Variants in MORC3 observed in about 807,000 individuals in gnomAD.
MORC3 encodes MORC family CW-type zinc finger protein 3.
In MORC3, 31 loss-of-function variants were observed where a neutral mutation model predicts 109.1. The observed-to-expected ratio is 0.28, with a 90% confidence interval of 0.21 to 0.38. The LOEUF is 0.38. Ranked by LOEUF, MORC3 falls within the 10% of genes least tolerant of loss-of-function variation. The pLI is 1.00. For missense variants in MORC3, 867 were observed against 1,135.8 expected (o/e 0.76, Z 3.40); for synonymous variants, 395 against 380.7 (o/e 1.04, Z -0.44).
At chr21:36,363,162 G>T (rs1279046986) in intron 13 of MORC3, among the ~76,000 whole-genome samples, 2 of 152,194 alleles carry the variant, frequency 1.3e-5, no homozygotes, top group African/African-American at 4.8e-5. Context: ...GCTCATGCCT[G>T]TGTTCCCAGA....
intron 2 of MORC3, among the ~76,000 whole-genome samples, chr21:36,335,525 A>C (rs906511143): frequency 3.3e-5 from 5 of 152,130 alleles, no homozygotes; most frequent in Admixed American, 3.3e-4. Flanking sequence ...CATATTGGTC[A>C]GGCTTGTCTC....
At chr21:36,360,610 C>T in intron 12 of MORC3, 1 of 284,414 alleles carries the variant, frequency 3.5e-6, no homozygotes, top group Non-Finnish European at 6.7e-6. Context: ...TTGGTGAGTG[C>T]CATAGAAGCT....
At position 36,369,222 on chromosome 21, in the gene MORC3, T is replaced by C. The variant is rs1475920274; in HGVS notation, c.1854T>C (p.Pro618=). ...TTGAGTTTGTGGGTGACAGTGAACC[T>C]TGTGGCCAGACTGGTTCAACAAGCA... ...VQVEFVGDSE[P]CGQTGSTSTS... The change falls in exon 15 of 17, where the codon CCT becomes CCC. Residue 618 remains proline (P), a synonymous_variant. Coordinates refer to ENST00000400485, the MANE Select transcript of MORC3 (RefSeq NM_015358.3). 2 of 1,614,162 alleles carry C rather than the reference T, an allele frequency of 1.2e-6. No homozygotes were observed. Among genetic ancestry groups the C allele is most frequent in the Non-Finnish European group, 1.7e-6 (2 of 1,180,018 alleles).
At chr21:36,344,121 T>C (rs77557945) in intron 6 of MORC3, among the ~76,000 whole-genome samples, 4,010 of 152,136 alleles carry the variant, frequency 0.026, 168 homozygotes, top group African/African-American at 0.088. Flanking sequence ...AGTTTTAGTT[T>C]TGTGTTGAAT....
chr21:36,348,193 T>TA (rs2085532528), intron 8 of MORC3: 2 of 152,232 alleles, frequency 1.3e-5, no homozygotes, highest in African/African-American at 4.8e-5. Flanking sequence ...CTAGCAGATT[T>TA]AAAAAATAAC....
rs2085791957 is a variant in MORC3, at chr21:36,367,279, G to A, written c.1620-1709G>A. Among the ~76,000 whole-genome samples the A allele has an allele frequency of 3.3e-5, 5 of 152,202 alleles. No homozygotes were observed. In the South Asian group the frequency reaches 8.3e-4, roughly 25 times the overall value. Reference sequence around the variant, plus strand: ...TCCCTCCTCACTGGGCTCCAAGAGAGAAGCCCTAAATGATGATGGCAGTTT... The same window carrying A: ...TCCCTCCTCACTGGGCTCCAAGAGAAAAGCCCTAAATGATGATGGCAGTTT... On this transcript the variant is annotated intron_variant, in intron 14 of 16. Transcript: ENST00000400485.
At chr21:36,341,333 C>T (rs2085443213) in intron 5 of MORC3, 66 bp from the exon 6 acceptor site, 2 of 1,425,756 alleles carry the variant, frequency 1.4e-6, no homozygotes, top group Admixed American at 4.1e-5. Context: ...TAATGACTTA[C>T]AGTGTTTGCT....
intron 10 of MORC3, among the ~76,000 whole-genome samples, chr21:36,358,571 C>T (rs1007346677): frequency 1.3e-5 from 2 of 151,550 alleles, no homozygotes; most frequent in Admixed American, 6.6e-5. Flanking sequence ...GGCTGGGCAA[C>T]GTGGTGAGAC....
chr21:36,355,307 A>G (rs1387287727), intron 9 of MORC3, among the ~76,000 whole-genome samples: 1 of 152,182 alleles, frequency 6.6e-6, no homozygotes, highest in Non-Finnish European at 1.5e-5. Context: ...ACCTTGTCCA[A>G]TATCAAAAGA....
chr21:36,341,701 C>T (rs1390742362), intron 6 of MORC3, among the ~76,000 whole-genome samples, 155 bp downstream of exon 6: 2 of 152,144 alleles, frequency 1.3e-5, no homozygotes, highest in African/African-American at 4.8e-5. Context: ...TCAGCCTGGG[C>T]AACAGAGTGA....
chr21:36,373,181 A>C (rs777594246), intron 16 of MORC3, among the ~76,000 whole-genome samples: 2 of 151,790 alleles, frequency 1.3e-5, no homozygotes, highest in Non-Finnish European at 2.9e-5. Context: ...CTCTACTAAA[A>C]GTACAAAAAT....
rs1397568900 is a variant in MORC3 at position 36,364,124 on chromosome 21, C to G, written c.1484C>G (p.Ala495Gly). Reference protein sequence around the residue: ...INAELLFRPTALSTPSFSSPK... With the variant: ...INAELLFRPTGLSTPSFSSPK... ...GCTGAACTGTTGTTTCGGCCAACTGCTCTTTCAACTCCAAGCTTTTCTTCT... is the reference window on the plus strand; with the variant it reads ...GCTGAACTGTTGTTTCGGCCAACTGGTCTTTCAACTCCAAGCTTTTCTTCT... Residue 495 changes from alanine to glycine, a missense_variant, in exon 14 of 17, where the codon GCT becomes GGT. Ala to Gly is a moderately conservative substitution (Grantham distance 60). Transcript: ENST00000400485. The G allele has an allele frequency of 1.9e-6, 3 of 1,613,970 alleles. No homozygotes were observed. Among genetic ancestry groups the G allele is most frequent in the South Asian group, 2.2e-5 (2 of 91,080 alleles).
intron 2 of MORC3, among the ~76,000 whole-genome samples, chr21:36,334,237 C>T (rs113875803): frequency 9.0e-4 from 137 of 151,648 alleles, no homozygotes; most frequent in Non-Finnish European, 1.3e-3. Context: ...CCTGGGCAGG[C>T]GACAAAGCAA....
chr21:36,365,519 A>C (rs1312481001), intron 14 of MORC3, among the ~76,000 whole-genome samples: 2 of 152,238 alleles, frequency 1.3e-5, no homozygotes, highest in African/African-American at 4.8e-5. Flanking sequence ...AAGATTATAA[A>C]TAACTAACTG....
Position 36,375,908 on chromosome 21 carries a change from A to G in MORC3, c.*612A>G, listed in dbSNP as rs2085924636. 1.3e-5 allele frequency: 2 copies of G among 152,270 alleles called. No homozygotes were observed. The highest frequency in any genetic ancestry group is 4.8e-5 in the African/African-American group (2 of 41,472). 9.4% of individuals were successfully genotyped at this position (152,270 alleles called of 1,614,324 possible). A position where few individuals can be genotyped will look rare whatever the true frequency, so the allele number is the denominator to read the frequency against. On this transcript the variant is annotated 3_prime_UTR_variant, in exon 17 of 17. Coordinates refer to ENST00000400485, the MANE Select transcript of MORC3 (RefSeq NM_015358.3). ...GGATTTTGTTGTGCTGAGATTGCCA[A>G]TCACGGTTAAACACAAAGTGTTTTT...
intron 16 of MORC3, among the ~76,000 whole-genome samples, 161 bp from the exon 17 acceptor site, chr21:36,374,982 T>A (rs2085913939): frequency 6.6e-6 from 1 of 152,218 alleles, no homozygotes; most frequent in Non-Finnish European, 1.5e-5. Context: ...TAAAAGTGAA[T>A]TATTAAAGTA....
At chr21:36,371,629 A>G (rs73383719) in intron 15 of MORC3, among the ~76,000 whole-genome samples, 7,069 of 152,192 alleles carry the variant, frequency 0.046, 525 homozygotes, top group African/African-American at 0.16. Flanking sequence ...TAACTTTCAC[A>G]CCATCATAAA....
chr21:36,372,954 T>C (rs1037254411), intron 16 of MORC3, among the ~76,000 whole-genome samples: 3 of 152,242 alleles, frequency 2.0e-5, no homozygotes, highest in Non-Finnish European at 4.4e-5. Flanking sequence ...GCTGTCCTTA[T>C]TTCACTGTAT....
chr21:36,336,012 G>T (rs551952840), intron 2 of MORC3, among the ~76,000 whole-genome samples: 2 of 151,598 alleles, frequency 1.3e-5, no homozygotes, highest in East Asian at 3.9e-4. Flanking sequence ...TGCAACCTCC[G>T]CCTCCTGGGT....
Sources: gnomAD v4.1 joint callset for allele counts (sites outside exome capture counted in the v4.1 genomes callset) on GRCh38, gnomAD v4.1.1 for gene constraint, MANE v1.5 for transcripts, NCBI Gene and HGNC (gene_info 2026-07-23, HGNC 2026-07-21) for gene names.